Variants in ZNF429 observed in about 807,000 individuals in gnomAD.
ZNF429 encodes zinc finger protein 429.
Under a neutral mutation model 56.8 loss-of-function variants are expected in ZNF429, and 53 were observed. The observed-to-expected ratio is 0.93, with a 90% CI of 0.75 to 1.17. ZNF429 has a LOEUF of 1.17. Ranked by LOEUF, ZNF429 falls within the 50% of genes most tolerant of loss-of-function variation. ZNF429 has a pLI of 0.00. For synonymous variants in ZNF429, 278 were observed against 264.7 expected, an observed-to-expected ratio of 1.05 and a Z score of -0.49; for missense variants, 849 against 788.4, an observed-to-expected ratio of 1.08 and a Z score of -0.92.
Position 21,540,509 on chromosome 19 carries a change from A to G in ZNF429, c.*2431A>G, listed in dbSNP as rs1031041830. ...TACATCAATTACATCAGGGTAAATT[A>G]TGTAGCCATTACTTGTAACATTTAT... is the stretch of plus-strand genomic sequence containing the variant. On this transcript the variant is annotated 3_prime_UTR_variant, in exon 4 of 4. Transcript: ENST00000358491. Among the ~76,000 whole-genome samples, 1 of 152,112 alleles carries G rather than the reference A, an allele frequency of 6.6e-6. No individual in the cohort carries two copies. The highest frequency in any genetic ancestry group is 1.5e-5 in the Non-Finnish European group (1 of 67,994).
In ZNF429 at chr19:21,539,075, A is replaced by T. The variant is rs189506970; in HGVS notation, c.*997A>T. Among the ~76,000 whole-genome samples, 1 of 152,032 alleles carries T rather than the reference A, an allele frequency of 6.6e-6. No individual in the cohort carries two copies. Among genetic ancestry groups the T allele is most frequent in the Non-Finnish European group, 1.5e-5 (1 of 68,012 alleles). On this transcript the variant is annotated 3_prime_UTR_variant, in exon 4 of 4. Transcript: ENST00000358491. Reference sequence around the variant, plus strand: ...TGGAAAAACTTTTTTTTCCCCAAAAACTATACCTCAGGAAACAATGGAGAG... The same window carrying T: ...TGGAAAAACTTTTTTTTCCCCAAAATCTATACCTCAGGAAACAATGGAGAG...
At chr19:21,527,800 G>A (rs746700626) in intron 1 of ZNF429, among the ~76,000 whole-genome samples, 26 of 152,220 alleles carry the variant, frequency 1.7e-4, no homozygotes, top group African/African-American at 6.0e-4. Flanking sequence ...CAAGATGCAG[G>A]TGTGATTTGT....
chr19:21,523,764 C>T (rs2033069031), intron 1 of ZNF429, among the ~76,000 whole-genome samples: 1 of 152,246 alleles, frequency 6.6e-6, no homozygotes, highest in African/African-American at 2.4e-5. Flanking sequence ...CCCAAATAAA[C>T]TGCCTACTTC....
chr19:21,527,182 C>T (rs560812045), intron 1 of ZNF429, among the ~76,000 whole-genome samples: 41 of 152,194 alleles, frequency 2.7e-4, no homozygotes, highest in South Asian at 1.2e-3. Context: ...ACATCAGCAC[C>T]GATGGGACTT....
chr19:21,522,211 G>A (rs1022255639), intron 1 of ZNF429, among the ~76,000 whole-genome samples: 11 of 152,332 alleles, frequency 7.2e-5, no homozygotes, highest in East Asian at 3.9e-4. Context: ...ACCTCCTGTC[G>A]TGAAGATAGG....
intron 1 of ZNF429, among the ~76,000 whole-genome samples, chr19:21,521,171 T>C (rs2032973479): frequency 6.6e-6 from 1 of 152,244 alleles, no homozygotes; most frequent in Non-Finnish European, 1.5e-5. Context: ...GGACTAATTA[T>C]ATGTGAGCAT....
intron 1 of ZNF429, among the ~76,000 whole-genome samples, chr19:21,511,755 A>C (rs2032487879): frequency 6.6e-6 from 1 of 152,050 alleles, no homozygotes; most frequent in African/African-American, 2.4e-5. Flanking sequence ...TAGCGAGCCG[A>C]GATCACGCCA....
intron 1 of ZNF429, chr19:21,519,120 A>G (rs144042686): frequency 6.6e-6 from 1 of 152,348 alleles, no homozygotes; most frequent in East Asian, 1.9e-4. Context: ...TGGGAAATTA[A>G]AGAAAATAAA....
chr19:21,506,442 AC>A (rs60676940), intron 1 of ZNF429, among the ~76,000 whole-genome samples: 36,283 of 118,340 alleles, frequency 0.31, 4,835 homozygotes, highest in East Asian at 0.4. Flanking sequence ...ACTATCTCAA[AC>A]AAAAAAAAAA....
At chr19:21,524,814 A>G (rs561611702) in intron 1 of ZNF429, among the ~76,000 whole-genome samples, 94 of 152,292 alleles carry the variant, frequency 6.2e-4, no homozygotes, top group Admixed American at 1.8e-3. Flanking sequence ...TTCTGTTTCA[A>G]TGTAAGAGAA....
chr19:21,537,544 C>A lies in ZNF429; in HGVS notation c.1491C>A (p.Asn497Lys), dbSNP rs547915928. ...GKAFKQSSNL[N>K]SHKKIHSGEK... ...CCTTTAAGCAGTCCTCAAACCTTAA[C>A]AGTCATAAAAAAATTCATAGTGGAG... The change falls in exon 4 of 4, where the codon AAC becomes AAA. Residue 497 changes from asparagine to lysine, a missense_variant. Coordinates refer to ENST00000358491, the MANE Select transcript of ZNF429 (RefSeq NM_001001415.4). 2 of 1,602,848 alleles carry A rather than the reference C, an allele frequency of 1.2e-6. No individual in the cohort carries two copies. The highest frequency in any genetic ancestry group is 1.7e-6 in the Non-Finnish European group (2 of 1,175,914).
intron 3 of ZNF429, among the ~76,000 whole-genome samples, chr19:21,535,939 TGAG>T: frequency 6.6e-6 from 1 of 152,132 alleles, no homozygotes; most frequent in Admixed American, 6.5e-5. Flanking sequence ...AAAAACAAAA[TGAG>T]GAGCTGGCAA....
At chr19:21,512,386 C>T (rs1236270918) in intron 1 of ZNF429, among the ~76,000 whole-genome samples, 1 of 152,006 alleles carries the variant, frequency 6.6e-6, no homozygotes, top group East Asian at 1.9e-4. Flanking sequence ...AATGCCTTAA[C>T]TGTGGGCCAT....
At position 21,539,680 on chromosome 19, in the gene ZNF429, C is replaced by T. The variant is rs1297078950; in HGVS notation, c.*1602C>T. ...TCTTCATCTCAAGTGATCTGCCCAC[C>T]TTGGCCTCCCAGAGTGCTGGGATTG... On this transcript the variant is annotated 3_prime_UTR_variant, in exon 4 of 4. Transcript: ENST00000358491. 6.6e-6 allele frequency among the ~76,000 whole-genome samples: 1 copy of T among 151,882 alleles called. No individual in the cohort carries two copies. Among genetic ancestry groups the T allele is most frequent in the Non-Finnish European group, 1.5e-5 (1 of 67,994 alleles).
At position 21,505,667 on chromosome 19, in the gene ZNF429, A is replaced by G; in HGVS notation, c.-105A>G. 1.5e-6 allele frequency: 2 copies of G among 1,301,248 alleles called. No homozygotes were observed. The highest frequency in any genetic ancestry group is 2.0e-4 in the Middle Eastern group (1 of 5,084). 80.6% of individuals were successfully genotyped at this position (1,301,248 alleles called of 1,614,324 possible). On this transcript the variant is annotated 5_prime_UTR_variant, in exon 1 of 4. Coordinates refer to ENST00000358491, the MANE Select transcript of ZNF429 (RefSeq NM_001001415.4). The stretch of plus-strand genomic sequence containing the variant: ...AGCCAGAGCTCCAGGTCTCGTCTTC[A>G]TTTCTGTGTCCTTTGTTCTTAGAGG...
chr19:21,519,862 A>G (rs1173686926), intron 1 of ZNF429, among the ~76,000 whole-genome samples: 7 of 105,722 alleles, frequency 6.6e-5, no homozygotes, highest in Non-Finnish European at 3.8e-5. Flanking sequence ...ATGTGCACCC[A>G]TGAATTTTTT....
chr19:21,507,929 C>T (rs991423941), intron 1 of ZNF429, among the ~76,000 whole-genome samples: 1 of 152,150 alleles, frequency 6.6e-6, no homozygotes, highest in African/African-American at 2.4e-5. Flanking sequence ...TAATTTCTGA[C>T]CCCTTGATTC....
rs768135119 is a variant in ZNF429, at chr19:21,536,280, TTG to T, written c.233_234del (p.Cys78PhefsTer5). 41 of 1,557,976 alleles carry T rather than the reference TTG, an allele frequency of 2.6e-5. No individual in the cohort carries two copies. The highest frequency in any genetic ancestry group is 2.5e-5 in the Non-Finnish European group (29 of 1,156,742). On this transcript the variant is annotated frameshift_variant and splice_region_variant, in exon 4 of 4. Transcript: ENST00000358491. LOFTEE classifies it high-confidence loss of function. ...ATTTGTTGTTTTAATTTTATTTTAG[TTG>T]TGTGTTCTCATTTTGCTGAAGACTT...
At chr19:21,517,133 G>C (rs1345708427) in intron 1 of ZNF429, among the ~76,000 whole-genome samples, 1 of 152,142 alleles carries the variant, frequency 6.6e-6, no homozygotes, top group Non-Finnish European at 1.5e-5. Context: ...GGTTTGTTTA[G>C]GGTTCTAAAC....
Sources: gnomAD v4.1 joint callset for allele counts (sites outside exome capture counted in the v4.1 genomes callset) on GRCh38, gnomAD v4.1.1 for gene constraint, MANE v1.5 for transcripts, NCBI Gene and HGNC (gene_info 2026-07-23, HGNC 2026-07-21) for gene names.